The following NRXN1 variants were observed in gnomAD, a reference collection of about 807,000 sequenced individuals.
The protein encoded by NRXN1 is neurexin-1.
A neutral mutation model predicts 150.9 loss-of-function variants in NRXN1; 39 were observed. The observed-to-expected ratio is 0.26, with a 90% CI of 0.20 to 0.34. The LOEUF (loss-of-function observed/expected upper bound fraction) is 0.34. Ranked by LOEUF, NRXN1 falls within the 10% of genes least tolerant of loss-of-function variation. The pLI, the probability that NRXN1 is intolerant of heterozygous loss-of-function variation, is 1.00. For missense variants in NRXN1, 1,815 were observed against 1,949.9 expected (o/e 0.93, Z 1.30); for synonymous variants, 924 against 757.0 (o/e 1.22, Z -3.62).
chr2:50,372,716 G>A (rs531956647), intron 17 of NRXN1, among the ~76,000 whole-genome samples: 5 of 152,022 alleles, frequency 3.3e-5, no homozygotes, highest in Admixed American at 6.6e-5. Context: ...CACTCATATC[G>A]CAAACTTTAG....
At chr2:50,718,846 C>T (rs957145029) in intron 5 of NRXN1, among the ~76,000 whole-genome samples, 4 of 152,106 alleles carry the variant, frequency 2.6e-5, no homozygotes, top group African/African-American at 4.8e-5. Context: ...CTTCCTCTCT[C>T]CCTCTCATCC....
At chr2:49,999,446 GA>G in intron 21 of NRXN1, among the ~76,000 whole-genome samples, 1 of 152,144 alleles carries the variant, frequency 6.6e-6, no homozygotes, top group East Asian at 1.9e-4. Flanking sequence ...TGAACATGAA[GA>G]GGAACCAAGT....
At chr2:50,942,249 A>G (rs189047424) in intron 2 of NRXN1, among the ~76,000 whole-genome samples, 1 of 152,320 alleles carries the variant, frequency 6.6e-6, no homozygotes, top group East Asian at 1.9e-4. Flanking sequence ...TCCAGGCAGA[A>G]ATCTACTGTG....
rs189888191 is a variant in NRXN1 at position 50,316,471 on chromosome 2, T to C, written c.3365-79501A>G. ...TCAAGCAACGGAAGATCTTGCCACATGCAACCAGTATAGCCATTTGCACAA... is the reference window on the plus strand; with the variant it reads ...TCAAGCAACGGAAGATCTTGCCACACGCAACCAGTATAGCCATTTGCACAA... On this transcript the variant is annotated intron_variant, in intron 17 of 22. Transcript: ENST00000401669. Among the ~76,000 whole-genome samples the C allele has an allele frequency of 1.2e-4, 18 of 152,226 alleles. No homozygotes were observed. The East Asian group carries it at 2.1e-3, about 18-fold the overall frequency.
rs184408013 is a variant in NRXN1, at chr2:50,270,954, C to T, written c.3365-33984G>A. ...GATTACAGGCATGAGCCACTATGCC[C>T]GGCCATATACAGATATAGGTTTTTG... On this transcript the variant is annotated intron_variant, in intron 17 of 22. Coordinates refer to ENST00000401669, the MANE Select transcript of NRXN1 (RefSeq NM_001330078.2). Among the ~76,000 whole-genome samples the T allele has an allele frequency of 2.9e-3, 441 of 152,156 alleles. 1 individual carries two copies. The highest frequency in any genetic ancestry group is 5.1e-3 in the Non-Finnish European group (344 of 67,998).
intron 12 of NRXN1, among the ~76,000 whole-genome samples, chr2:50,513,340 A>C (rs564154536): frequency 6.6e-6 from 1 of 152,304 alleles, no homozygotes; most frequent in South Asian, 2.1e-4. Flanking sequence ...TATTGAAAGA[A>C]ACATCCACAA....
chr2:50,730,900 C>T (rs781312135), intron 5 of NRXN1, among the ~76,000 whole-genome samples: 4 of 152,102 alleles, frequency 2.6e-5, no homozygotes, highest in Non-Finnish European at 5.9e-5. Context: ...GTCTGGATCT[C>T]CTGACCTTGT....
intron 5 of NRXN1, among the ~76,000 whole-genome samples, chr2:50,634,624 A>T: frequency 6.6e-6 from 1 of 152,092 alleles, no homozygotes; most frequent in African/African-American, 2.4e-5. Context: ...GAATCACTGA[A>T]TTTGTGGTCA....
At chr2:50,908,631 T>C (rs972316647) in intron 5 of NRXN1, among the ~76,000 whole-genome samples, 1 of 150,622 alleles carries the variant, frequency 6.6e-6, no homozygotes, top group African/African-American at 2.5e-5. Flanking sequence ...AAAAATAAAA[T>C]ATGGAAGAGA....
intron 5 of NRXN1, among the ~76,000 whole-genome samples, chr2:50,679,899 A>G (rs1379876031): frequency 6.6e-6 from 1 of 152,048 alleles, no homozygotes; most frequent in African/African-American, 2.4e-5. Context: ...TTGGGAGGCC[A>G]AGATGGGCAG....
chr2:50,529,598 G>A (rs1263176962), intron 11 of NRXN1, among the ~76,000 whole-genome samples: 1 of 152,142 alleles, frequency 6.6e-6, no homozygotes, highest in Non-Finnish European at 1.5e-5. Context: ...CCTAGATTCT[G>A]TTTCCATATA....
intron 21 of NRXN1, chr2:50,023,411 C>G (rs1035537949): frequency 6.6e-6 from 1 of 152,070 alleles, no homozygotes; most frequent in Non-Finnish European, 1.5e-5. Context: ...AACCCAAGAA[C>G]ATTTAAGAGC....
At chr2:50,637,339 G>T (rs532421535) in intron 5 of NRXN1, among the ~76,000 whole-genome samples, 1 of 152,060 alleles carries the variant, frequency 6.6e-6, no homozygotes, top group African/African-American at 2.4e-5. Context: ...TATCTGGTTT[G>T]AGTACTGTTT....
chr2:50,237,596 C>G (rs2152880574), intron 17 of NRXN1, among the ~76,000 whole-genome samples: 1 of 151,614 alleles, frequency 6.6e-6, no homozygotes, highest in South Asian at 2.1e-4. Flanking sequence ...TCAAACTATT[C>G]AGAATCATAA....
chr2:50,329,578 AGTGTGTGTGTGTGT>A (rs55865684), intron 17 of NRXN1, among the ~76,000 whole-genome samples: 377 of 33,992 alleles, frequency 0.011, 17 homozygotes, highest in African/African-American at 0.034. Context: ...ATATAACAGT[AGTGTGTGTGTGTGT>A]GTGTGTGTGT....
chr2:50,685,999 T>C (rs1332941556), intron 5 of NRXN1, among the ~76,000 whole-genome samples: 1 of 152,118 alleles, frequency 6.6e-6, no homozygotes, highest in Admixed American at 6.6e-5. Context: ...AAAGTATAAT[T>C]TCAGGGGCTT....
At chr2:50,552,511 G>T in intron 9 of NRXN1, 76 bp downstream of exon 9, 2 of 1,141,380 alleles carry the variant, frequency 1.8e-6, no homozygotes, top group East Asian at 4.7e-5. Flanking sequence ...ATATGTCTTG[G>T]TTTTCACTTT....
chr2:50,076,579 TG>T (rs1209294860), intron 19 of NRXN1, among the ~76,000 whole-genome samples: 1 of 152,206 alleles, frequency 6.6e-6, no homozygotes, highest in African/African-American at 2.4e-5. Flanking sequence ...AACTAGGATT[TG>T]AACCCATGCA....
chr2:50,306,943 A>G (rs745677107), intron 17 of NRXN1, among the ~76,000 whole-genome samples: 1 of 152,150 alleles, frequency 6.6e-6, no homozygotes, highest in Non-Finnish European at 1.5e-5. Flanking sequence ...TGCATTAAAA[A>G]TGAGGAACTG....
Sources: gnomAD v4.1 joint callset for allele counts (sites outside exome capture counted in the v4.1 genomes callset) on GRCh38, gnomAD v4.1.1 for gene constraint, MANE v1.5 for transcripts, NCBI Gene and HGNC (gene_info 2026-07-23, HGNC 2026-07-21) for gene names.